Variants in SUPT3H observed in about 807,000 individuals in gnomAD.
SUPT3H encodes SPT3 homolog, SAGA and STAGA complex component.
In SUPT3H, 44 loss-of-function variants were observed where a neutral mutation model predicts 44.3. The ratio of observed to expected loss-of-function variants is 0.99; its 90% confidence interval spans 0.78 to 1.28. SUPT3H has a LOEUF of 1.28. SUPT3H is among the 50% of genes most tolerant of loss of function. The pLI is 0.00. For synonymous variants in SUPT3H, 124 were observed against 125.6 expected (o/e 0.99, Z 0.09); for missense variants, 380 against 387.1 (o/e 0.98, Z 0.15).
chr6:45,309,523 A>G (rs1783634210), intron 2 of SUPT3H, among the ~76,000 whole-genome samples: 2 of 151,994 alleles, frequency 1.3e-5, no homozygotes, highest in African/African-American at 4.8e-5. Flanking sequence ...AAAACAGCAA[A>G]TATTTCGGTC....
At chr6:45,370,672 TGAAA>T (rs1795911626) in intron 1 of SUPT3H, among the ~76,000 whole-genome samples, 1 of 152,140 alleles carries the variant, frequency 6.6e-6, no homozygotes, top group Admixed American at 6.6e-5. Flanking sequence ...AAATCTGAAT[TGAAA>T]ATATCAAAAC....
At chr6:44,854,222 A>T (rs1003206408) in intron 10 of SUPT3H, among the ~76,000 whole-genome samples, 4 of 151,910 alleles carry the variant, frequency 2.6e-5, no homozygotes, top group African/African-American at 9.7e-5. Flanking sequence ...TGCAGGAATG[A>T]TTTTTTTTGT....
chr6:45,226,698 A>G (rs376019953), intron 2 of SUPT3H, among the ~76,000 whole-genome samples: 1 of 152,070 alleles, frequency 6.6e-6, no homozygotes, highest in African/African-American at 2.4e-5. Flanking sequence ...CACCCAGCTA[A>G]TTTTTATATT....
chr6:45,062,620 G>C (rs370491255), intron 3 of SUPT3H, among the ~76,000 whole-genome samples: 9 of 152,334 alleles, frequency 5.9e-5, no homozygotes, highest in African/African-American at 1.7e-4. Context: ...TGCGCAAGCC[G>C]AAGCAGGGCG....
chr6:45,320,207 C>G (rs1364244357), intron 2 of SUPT3H, among the ~76,000 whole-genome samples: 1 of 152,022 alleles, frequency 6.6e-6, no homozygotes, highest in African/African-American at 2.4e-5. Flanking sequence ...TTCATTATTA[C>G]AAGTCATTCT....
rs1434116595 is a variant in SUPT3H at position 44,829,810 on chromosome 6, G to A, written c.*6C>T. On this transcript the variant is annotated 3_prime_UTR_variant, in exon 11 of 11. Coordinates refer to ENST00000371459, the MANE Select transcript of SUPT3H (RefSeq NM_003599.4). ...CTGTTGTTGCAGGCACATCACAGTT[G>A]TCACATCAGCAGGCTAGAAAAGCCA... The A allele has an allele frequency of 1.2e-6, 2 of 1,612,790 alleles. No homozygotes were observed. The highest frequency in any genetic ancestry group is 4.5e-5 in the East Asian group (2 of 44,878).
At position 45,300,009 on chromosome 6, in the gene SUPT3H, C is replaced by CAT. The variant is rs1196777448; in HGVS notation, c.101+65190_101+65191dup. Among the ~76,000 whole-genome samples the CAT allele has an allele frequency of 2.6e-5, 4 of 152,028 alleles. No individual in the cohort carries two copies. The East Asian group carries it at 7.7e-4, about 29-fold the overall frequency. On this transcript the variant is annotated intron_variant, in intron 2 of 10. Coordinates refer to ENST00000371459, the MANE Select transcript of SUPT3H (RefSeq NM_003599.4). Reference sequence around the variant, plus strand: ...AAAACATATCAATGGGAAATTCTGGCATAAGTGGCCCTTTAATTAATAGCA... The same window carrying CAT: ...AAAACATATCAATGGGAAATTCTGGCATATAAGTGGCCCTTTAATTAATAGCA...
At chr6:45,301,437 T>C (rs754734216) in intron 2 of SUPT3H, among the ~76,000 whole-genome samples, 1 of 152,218 alleles carries the variant, frequency 6.6e-6, no homozygotes, top group African/African-American at 2.4e-5. Context: ...CCCCTTATTC[T>C]TTTTAGTTTA....
intron 2 of SUPT3H, among the ~76,000 whole-genome samples, chr6:45,184,196 T>C (rs1476227631): frequency 6.6e-6 from 1 of 152,220 alleles, no homozygotes; most frequent in East Asian, 1.9e-4. Flanking sequence ...ATAAATCTTT[T>C]TAAGTTTTAG....
At chr6:45,128,095 C>T (rs1407216298) in intron 2 of SUPT3H, among the ~76,000 whole-genome samples, 1 of 151,990 alleles carries the variant, frequency 6.6e-6, no homozygotes, top group African/African-American at 2.4e-5. Context: ...TTAATATAGC[C>T]CTATCAGCTT....
rs531445946 is a variant in SUPT3H at position 44,876,708 on chromosome 6, A to G, written c.913-46851T>C. ...CAACATACTCTTAAATAACCAATGG[A>G]TCAAAGGAGAAACATCAAGGGAAAT... On this transcript the variant is annotated intron_variant, in intron 10 of 10. Coordinates refer to ENST00000371459, the MANE Select transcript of SUPT3H (RefSeq NM_003599.4). Among the ~76,000 whole-genome samples the G allele has an allele frequency of 2.2e-3, 327 of 152,000 alleles. 1 individual carries two copies. The highest frequency in any genetic ancestry group is 7.5e-3 in the African/African-American group (313 of 41,526).
chr6:44,928,620 G>C (rs1202799512), intron 10 of SUPT3H, among the ~76,000 whole-genome samples: 1 of 152,000 alleles, frequency 6.6e-6, no homozygotes, highest in Admixed American at 6.6e-5. Context: ...CAAGGGCCGG[G>C]CGCGGTGGCT....
At chr6:44,869,716 C>T (rs955578154) in intron 10 of SUPT3H, among the ~76,000 whole-genome samples, 13 of 152,252 alleles carry the variant, frequency 8.5e-5, no homozygotes, top group East Asian at 7.7e-4. Context: ...CACAGTCCAC[C>T]GGAAGATATA....
At chr6:45,052,795 G>A (rs1383794310) in intron 3 of SUPT3H, among the ~76,000 whole-genome samples, 1 of 152,110 alleles carries the variant, frequency 6.6e-6, no homozygotes, top group African/African-American at 2.4e-5. Context: ...CCTTACCTTA[G>A]GTAGATCATA....
chr6:44,932,034 C>T (rs942916209), intron 10 of SUPT3H, among the ~76,000 whole-genome samples: 3 of 152,014 alleles, frequency 2.0e-5, no homozygotes, highest in Non-Finnish European at 4.4e-5. Flanking sequence ...TCTCTTAACA[C>T]AAATAAGATC....
intron 2 of SUPT3H, among the ~76,000 whole-genome samples, chr6:45,210,062 A>G (rs999931973): frequency 6.6e-6 from 1 of 152,218 alleles, no homozygotes; most frequent in Non-Finnish European, 1.5e-5. Context: ...TTTTATAAAA[A>G]TAAAGTATTT....
intron 10 of SUPT3H, among the ~76,000 whole-genome samples, chr6:44,923,244 T>C (rs1769009126): frequency 6.6e-6 from 1 of 152,132 alleles, no homozygotes; most frequent in African/African-American, 2.4e-5. Flanking sequence ...GAGGGATGAT[T>C]AAGACTGTCA....
At chr6:45,302,047 G>A (rs1280159390) in intron 2 of SUPT3H, among the ~76,000 whole-genome samples, 5 of 152,176 alleles carry the variant, frequency 3.3e-5, no homozygotes, top group Admixed American at 6.5e-5. Flanking sequence ...AGTTTACCTG[G>A]AGCCAGCATG....
At chr6:45,122,972 T>G (rs192919628) in intron 2 of SUPT3H, among the ~76,000 whole-genome samples, 20 of 152,314 alleles carry the variant, frequency 1.3e-4, no homozygotes, top group Admixed American at 1.2e-3. Context: ...CAGGTAAATA[T>G]TCTAATACCC....
Sources: allele counts gnomAD v4.1 joint callset (sites outside exome capture counted in the v4.1 genomes callset), GRCh38; gene constraint gnomAD v4.1.1; transcripts MANE v1.5; gene names NCBI Gene and HGNC (gene_info 2026-07-23, HGNC 2026-07-21).